LMCD1: variants seen among roughly 807,000 people sequenced by gnomAD.
LMCD1 encodes LIM and cysteine-rich domains protein 1.
A neutral mutation model predicts 42.7 loss-of-function variants in LMCD1; 32 were observed. The observed-to-expected ratio is 0.75, with a 90% CI of 0.57 to 1.01. The LOEUF is 1.01. Ranked by LOEUF, LMCD1 falls within the 50% of genes least tolerant of loss-of-function variation. The pLI is 0.00. For missense variants in LMCD1, 458 were observed against 483.1 expected, an observed-to-expected ratio of 0.95 and a Z score of 0.49; for synonymous variants, 178 against 184.9, an observed-to-expected ratio of 0.96 and a Z score of 0.30.
intron 1 of LMCD1, among the ~76,000 whole-genome samples, chr3:8,508,814 C>T (rs1379206447): frequency 6.6e-6 from 1 of 152,090 alleles, no homozygotes; most frequent in Non-Finnish European, 1.5e-5. Context: ...GTCACTTCCA[C>T]CCCCAGAGTA....
intron 4 of LMCD1, among the ~76,000 whole-genome samples, chr3:8,558,385 G>A (rs1378460481): frequency 1.3e-5 from 2 of 152,168 alleles, no homozygotes; most frequent in African/African-American, 2.4e-5. Context: ...TTTCAATTAA[G>A]AATCTCATGC....
chr3:8,564,027 G>A lies in LMCD1; in HGVS notation c.724-1405G>A, dbSNP rs138216296. On this transcript the variant is annotated intron_variant, in intron 4 of 5. Transcript: ENST00000157600. ...AGCTAGGAGGAGCCTCAGGAGACAT[G>A]ACAGTTAAGTGAATCTGGGATCCTG... 3.4e-3 allele frequency among the ~76,000 whole-genome samples: 514 copies of A among 152,324 alleles called. 5 individuals carry two copies. The Middle Eastern group carries it at 0.048, about 14-fold the overall frequency.
chr3:8,506,702 A>G (rs770690844), intron 1 of LMCD1, among the ~76,000 whole-genome samples: 1 of 152,206 alleles, frequency 6.6e-6, no homozygotes, highest in Admixed American at 6.5e-5. Context: ...TCTCCCAACC[A>G]TTCATCCAAC....
At chr3:8,547,778 C>T (rs975934141) in intron 3 of LMCD1, among the ~76,000 whole-genome samples, 116 of 151,690 alleles carry the variant, frequency 7.6e-4, no homozygotes, top group African/African-American at 2.5e-3. Context: ...CCCAGCTACT[C>T]GGGAGGCTGA....
intron 1 of LMCD1, among the ~76,000 whole-genome samples, chr3:8,506,686 C>T (rs1272255983): frequency 6.6e-6 from 1 of 152,184 alleles, no homozygotes; most frequent in African/African-American, 2.4e-5. Context: ...ACCTTGAGAG[C>T]TCTTATCTCC....
At chr3:8,531,302 C>T (rs553659325) in intron 1 of LMCD1, among the ~76,000 whole-genome samples, 1 of 152,294 alleles carries the variant, frequency 6.6e-6, no homozygotes, top group South Asian at 2.1e-4. Flanking sequence ...ATCTCCTTTC[C>T]CTTTTCTGCC....
chr3:8,542,080 C>T (rs979933814), intron 3 of LMCD1, among the ~76,000 whole-genome samples: 2 of 147,922 alleles, frequency 1.4e-5, no homozygotes, highest in Non-Finnish European at 3.0e-5. Flanking sequence ...CTACAACCTC[C>T]GCCTCCTGGG....
intron 1 of LMCD1, among the ~76,000 whole-genome samples, chr3:8,529,011 T>TC (rs1694354500): frequency 6.6e-6 from 1 of 152,200 alleles, no homozygotes; most frequent in Non-Finnish European, 1.5e-5. Context: ...GATGCTGCAT[T>TC]CCAAGAAACC....
At chr3:8,544,919 C>T (rs994086587) in intron 3 of LMCD1, among the ~76,000 whole-genome samples, 1 of 152,104 alleles carries the variant, frequency 6.6e-6, no homozygotes, top group Non-Finnish European at 1.5e-5. Context: ...TTTCTCAGGC[C>T]GTGGTCCTGA....
intron 1 of LMCD1, among the ~76,000 whole-genome samples, chr3:8,520,323 A>C (rs989477898): frequency 1.7e-4 from 26 of 152,306 alleles, no homozygotes; most frequent in African/African-American, 6.0e-4. Flanking sequence ...CTAGGGAGGT[A>C]TAATAAGTAG....
intron 2 of LMCD1, among the ~76,000 whole-genome samples, chr3:8,535,795 T>A (rs1051177434): frequency 2.0e-5 from 3 of 152,198 alleles, no homozygotes; most frequent in African/African-American, 7.2e-5. Context: ...CTTCTTCTCT[T>A]CATATTCAGT....
At chr3:8,515,862 G>A (rs1469867428) in intron 1 of LMCD1, among the ~76,000 whole-genome samples, 3 of 152,068 alleles carry the variant, frequency 2.0e-5, no homozygotes, top group Non-Finnish European at 4.4e-5. Context: ...CCTCAGTGTG[G>A]CCCCTTCCCA....
chr3:8,509,204 G>A (rs1257409570), intron 1 of LMCD1, among the ~76,000 whole-genome samples: 2 of 152,156 alleles, frequency 1.3e-5, no homozygotes, highest in African/African-American at 4.8e-5. Context: ...AATCCCATAG[G>A]TTATTAAGTA....
chr3:8,528,642 T>G (rs369151862), intron 1 of LMCD1, among the ~76,000 whole-genome samples: 33 of 152,334 alleles, frequency 2.2e-4, no homozygotes, highest in African/African-American at 7.0e-4. Flanking sequence ...AGGAAGAAGC[T>G]GAGCTGGAAG....
chr3:8,550,020 C>A (rs1694812148), intron 4 of LMCD1: 1 of 1,515,638 alleles, frequency 6.6e-7, no homozygotes, highest in South Asian at 1.2e-5. Flanking sequence ...ATGTTTCAAC[C>A]TGAGTGTTTG....
At chr3:8,555,715 G>GTTTT (rs1694923127) in intron 4 of LMCD1, among the ~76,000 whole-genome samples, 1 of 95,700 alleles carries the variant, frequency 1.0e-5, no homozygotes, top group Admixed American at 9.3e-5. Context: ...CCTTCAACGA[G>GTTTT]CTTTTTTTTT....
rs115377776 is a variant in LMCD1 at position 8,539,656 on chromosome 3, G to A, written c.387+2216G>A. ...CCCAGACTAATCAGGGGAAGCCATC[G>A]TCAGGCAGTGATTAATGCTGGCTCA... On this transcript the variant is annotated intron_variant, in intron 3 of 5. Coordinates refer to ENST00000157600, the MANE Select transcript of LMCD1 (RefSeq NM_014583.4). 7.8e-3 allele frequency among the ~76,000 whole-genome samples: 1,184 copies of A among 152,206 alleles called. 16 individuals are homozygous for A. The highest frequency in any genetic ancestry group is 0.027 in the African/African-American group (1,140 of 41,516).
chr3:8,533,002 G>A (rs1301062355), intron 2 of LMCD1, among the ~76,000 whole-genome samples, 177 bp downstream of exon 2: 1 of 152,130 alleles, frequency 6.6e-6, no homozygotes, highest in African/African-American at 2.4e-5. Context: ...AAAGTCCTTG[G>A]GGGAGTGTGG....
At chr3:8,506,654 G>C (rs1693887662) in intron 1 of LMCD1, among the ~76,000 whole-genome samples, 1 of 152,204 alleles carries the variant, frequency 6.6e-6, no homozygotes, top group South Asian at 2.1e-4. Context: ...ATAAAGTGGA[G>C]ATTTGCCTTG....
Sources: gnomAD v4.1 joint callset for allele counts (sites outside exome capture counted in the v4.1 genomes callset) on GRCh38, gnomAD v4.1.1 for gene constraint, MANE v1.5 for transcripts, NCBI Gene and HGNC (gene_info 2026-07-23, HGNC 2026-07-21) for gene names.